Variants in SNAP25 observed in about 807,000 individuals in gnomAD.
The protein encoded by SNAP25 is synaptosomal-associated protein 25.
SNAP25 carries 3 observed loss-of-function variants against 28.7 expected under a neutral mutation model. That is an observed-to-expected ratio of 0.10 (90% confidence interval 0.05 to 0.27). The LOEUF (loss-of-function observed/expected upper bound fraction) is 0.27. Ranked by LOEUF, SNAP25 falls within the 10% of genes least tolerant of loss-of-function variation. The pLI is 1.00. For synonymous variants in SNAP25, 61 were observed against 88.1 expected (o/e 0.69, Z 1.72); for missense variants, 117 against 278.7 (o/e 0.42, Z 4.13).
intron 4 of SNAP25, among the ~76,000 whole-genome samples, chr20:10,289,740 C>T (rs1265207536): frequency 6.7e-6 from 1 of 149,200 alleles, no homozygotes; most frequent in African/African-American, 2.5e-5. Flanking sequence ...TTAATGCTTA[C>T]TATTCTTCTA....
In SNAP25 at chr20:10,289,418, C is replaced by T. The variant is rs193296167; in HGVS notation, c.164-3743C>T. Reference sequence around the variant, plus strand: ...AAAATCTCCTGGGATCAGCTCCAAACTAAACAGTGAAATATTTGACTACTG... The same window carrying T: ...AAAATCTCCTGGGATCAGCTCCAAATTAAACAGTGAAATATTTGACTACTG... On this transcript the variant is annotated intron_variant, in intron 4 of 7. Transcript: ENST00000254976. Among the ~76,000 whole-genome samples the T allele has an allele frequency of 5.9e-4, 89 of 152,062 alleles. 1 individual carries two copies. The highest frequency in any genetic ancestry group is 2.8e-3 in the Admixed American group (43 of 15,246).
At chr20:10,237,506 C>T (rs1032308341) in intron 1 of SNAP25, among the ~76,000 whole-genome samples, 3 of 152,088 alleles carry the variant, frequency 2.0e-5, no homozygotes, top group Non-Finnish European at 4.4e-5. Context: ...TAGAATTTTG[C>T]CAACTGTTAT....
rs767412913 is a variant in SNAP25 at position 10,293,795 on chromosome 20, T to C, written c.281+517T>C. On this transcript the variant is annotated intron_variant, in intron 5 of 7. Coordinates refer to ENST00000254976, the MANE Select transcript of SNAP25 (RefSeq NM_130811.4). The surrounding 1 kb of genome is among the most constrained non-coding windows in gnomAD (Gnocchi z 5.6). Reference sequence around the variant, plus strand: ...CCCACCAGTTGCCAAATTTTGTCAATAGATGCTGCCACTGCACCCAACACA... The same window carrying C: ...CCCACCAGTTGCCAAATTTTGTCAACAGATGCTGCCACTGCACCCAACACA... Among the ~76,000 whole-genome samples, 17 of 152,320 alleles carry C rather than the reference T, an allele frequency of 1.1e-4. No individual in the cohort carries two copies. Among genetic ancestry groups the C allele is most frequent in the Middle Eastern group, 6.8e-3 (2 of 294 alleles).
intron 4 of SNAP25, among the ~76,000 whole-genome samples, chr20:10,285,625 G>C (rs1469090886): frequency 1.3e-5 from 2 of 152,040 alleles, no homozygotes; most frequent in Non-Finnish European, 2.9e-5. Context: ...AGATAAAAAT[G>C]TACAATGTAT....
At chr20:10,222,338 C>T (rs1359513959) in intron 1 of SNAP25, among the ~76,000 whole-genome samples, 1 of 152,160 alleles carries the variant, frequency 6.6e-6, no homozygotes, top group Non-Finnish European at 1.5e-5. Context: ...ATCAGGAGGG[C>T]GATATCGCAG....
At position 10,299,331 on chromosome 20, in the gene SNAP25, C is replaced by A. The variant is rs777212434; in HGVS notation, c.471C>A (p.Ile157=). 18 of 1,613,870 alleles carry A rather than the reference C, an allele frequency of 1.1e-5. No individual in the cohort carries two copies. The Admixed American group carries it at 1.7e-4, about 15-fold the overall frequency. Residue 157 remains isoleucine, a synonymous_variant, in exon 7 of 8, where the codon ATC becomes ATA. Coordinates refer to ENST00000254976, the MANE Select transcript of SNAP25 (RefSeq NM_130811.4). The part of the protein sequence containing the change: ...DENLEQVSGI[I]GNLRHMALDM... ...ACCTAGAGCAGGTGAGCGGCATCATCGGGAACCTCCGTCACATGGCCCTGG... is the reference window on the plus strand; with the variant it reads ...ACCTAGAGCAGGTGAGCGGCATCATAGGGAACCTCCGTCACATGGCCCTGG...
chr20:10,244,188 C>T (rs556155056), intron 1 of SNAP25, among the ~76,000 whole-genome samples: 1 of 152,256 alleles, frequency 6.6e-6, no homozygotes, highest in East Asian at 1.9e-4. Flanking sequence ...TGTTCACTAT[C>T]AATCATGTTA....
chr20:10,226,407 C>T (rs2062734848), intron 1 of SNAP25, among the ~76,000 whole-genome samples: 1 of 152,100 alleles, frequency 6.6e-6, no homozygotes. Flanking sequence ...AAATCAGCTG[C>T]TATTATGGCA....
At chr20:10,248,209 A>G (rs913953383) in intron 1 of SNAP25, among the ~76,000 whole-genome samples, 3 of 152,240 alleles carry the variant, frequency 2.0e-5, no homozygotes, top group Non-Finnish European at 4.4e-5. Flanking sequence ...CAAAAAGTAT[A>G]CTTGGCTTTA....
intron 7 of SNAP25, among the ~76,000 whole-genome samples, chr20:10,302,683 T>C (rs982118961): frequency 5.9e-5 from 9 of 152,044 alleles, no homozygotes; most frequent in African/African-American, 2.2e-4. Flanking sequence ...AAAATTGGAA[T>C]GGGACAGCCA....
At chr20:10,241,740 GAC>G (rs1414423484) in intron 1 of SNAP25, among the ~76,000 whole-genome samples, 1 of 152,170 alleles carries the variant, frequency 6.6e-6, no homozygotes, top group African/African-American at 2.4e-5. Flanking sequence ...GTGCTTTCAA[GAC>G]ACAGCAATAG....
At chr20:10,295,680 G>T (rs2064094094) in intron 5 of SNAP25, among the ~76,000 whole-genome samples, 1 of 112,026 alleles carries the variant, frequency 8.9e-6, no homozygotes, top group Non-Finnish European at 2.0e-5. Flanking sequence ...TTAAATTCTG[G>T]TGTCTTACAA....
In SNAP25 at chr20:10,293,400, C is replaced by G. The variant is rs974116817; in HGVS notation, c.281+122C>G. 1.3e-5 allele frequency: 9 copies of G among 701,678 alleles called. No homozygotes were observed. The East Asian group carries it at 2.0e-4, about 16-fold the overall frequency. The allele number at this position is 701,678 out of a possible 1,614,324, so 43.5% of individuals were successfully genotyped here. A position where few individuals can be genotyped will look rare whatever the true frequency, so the allele number is the denominator to read the frequency against. On this transcript the variant is annotated intron_variant, in intron 5 of 7. Transcript: ENST00000254976. This position sits in a 1 kb window ranked among gnomAD's most constrained non-coding sequence, Gnocchi z 5.6. The stretch of plus-strand genomic sequence containing the variant: ...ATGTGGCATGCAGAACAGATCAATA[C>G]CGTCTCCAATGCATTCATCTCATAG...
intron 1 of SNAP25, among the ~76,000 whole-genome samples, chr20:10,254,871 A>G (rs1431674506): frequency 6.6e-6 from 1 of 152,168 alleles, no homozygotes; most frequent in Non-Finnish European, 1.5e-5. Flanking sequence ...AAACAGATAT[A>G]GCCTGCCTGT....
At chr20:10,250,993 C>T (rs1230267042) in intron 1 of SNAP25, among the ~76,000 whole-genome samples, 2 of 152,164 alleles carry the variant, frequency 1.3e-5, no homozygotes, top group Admixed American at 1.3e-4. Flanking sequence ...GATGTTTACA[C>T]AACGATGAAA....
intron 6 of SNAP25, among the ~76,000 whole-genome samples, chr20:10,297,344 G>GCTACCTTGCTGA (rs2064136024): frequency 6.6e-6 from 1 of 152,144 alleles, no homozygotes; most frequent in South Asian, 2.1e-4. Context: ...AGTATTCCAA[G>GCTACCTTGCTGA]GGGGCAAGCC....
intron 1 of SNAP25, among the ~76,000 whole-genome samples, chr20:10,240,924 G>A (rs139685321): frequency 1.5e-4 from 23 of 152,274 alleles, no homozygotes; most frequent in Middle Eastern, 6.8e-3. Context: ...CAATTGCTCC[G>A]TGGAGCCAGC....
intron 1 of SNAP25, among the ~76,000 whole-genome samples, chr20:10,224,578 G>A (rs935717191): frequency 6.6e-6 from 1 of 151,976 alleles, no homozygotes; most frequent in Admixed American, 6.6e-5. Flanking sequence ...GCCTCAGCTG[G>A]CATCATCTTA....
At chr20:10,221,424 A>G (rs955967102) in intron 1 of SNAP25, among the ~76,000 whole-genome samples, 6 of 152,200 alleles carry the variant, frequency 3.9e-5, no homozygotes, top group South Asian at 4.2e-4. Context: ...GCTTCCAGGG[A>G]AAAAAAATCG....
Sources: allele counts gnomAD v4.1 joint callset (sites outside exome capture counted in the v4.1 genomes callset), GRCh38; gene constraint gnomAD v4.1.1; non-coding constraint Gnocchi (gnomAD v3.1); transcripts MANE v1.5; gene names NCBI Gene and HGNC (gene_info 2026-07-23, HGNC 2026-07-21).